OR1L6: variants seen among roughly 807,000 people sequenced by gnomAD.
OR1L6 encodes the protein olfactory receptor 1L6.
OR1L6 carries 2 observed loss-of-function variants against 3.0 expected under a neutral mutation model. The ratio of observed to expected loss-of-function variants is 0.68; its 90% CI spans 0.28 to 2.13. OR1L6 has a LOEUF of 2.13. OR1L6 is among the 30% of genes most tolerant of loss of function. The pLI is 0.14. For synonymous variants in OR1L6, 121 were observed against 148.4 expected (o/e 0.82, Z 1.34); for missense variants, 304 against 378.4 (o/e 0.80, Z 1.63).
chr9:122,744,397 C>G (rs1371755640), intron 1 of OR1L6, among the ~76,000 whole-genome samples: 1 of 152,084 alleles, frequency 6.6e-6, no homozygotes, highest in Non-Finnish European at 1.5e-5. Context: ...TTCATTTGGG[C>G]TGACAATGTG....
chr9:122,743,780 A>G (rs1303283645), intron 1 of OR1L6, among the ~76,000 whole-genome samples: 10 of 152,168 alleles, frequency 6.6e-5, no homozygotes, highest in Admixed American at 6.5e-4. Flanking sequence ...GGCTTTGTGG[A>G]ATTGGAGGCA....
chr9:122,746,056 G>A (rs1255507123), intron 1 of OR1L6, among the ~76,000 whole-genome samples: 1 of 152,020 alleles, frequency 6.6e-6, no homozygotes, highest in Non-Finnish European at 1.5e-5. Flanking sequence ...GGTGTGTGAT[G>A]TTCCCCTCCC....
chr9:122,742,345 C>A lies in OR1L6; in HGVS notation c.-42C>A, dbSNP rs1478229635. ...TGGCAGATCCCGAAGTCTTTTTAGG[C>A]CCCTGAATCTCCTTTGTCAAGCCCA... On this transcript the variant is annotated 5_prime_UTR_variant, in exon 1 of 2. Coordinates refer to ENST00000304720, the MANE Select transcript of OR1L6 (RefSeq NM_001004453.3). 2.0e-5 allele frequency: 3 copies of A among 152,180 alleles called. No individual in the cohort carries two copies. The highest frequency in any genetic ancestry group is 7.2e-5 in the African/African-American group (3 of 41,434). 9.4% of individuals were successfully genotyped at this position (152,180 alleles called of 1,614,324 possible). A position where few individuals can be genotyped will look rare whatever the true frequency, so the allele number is the denominator to read the frequency against.
At chr9:122,744,775 A>G (rs1168568724) in intron 1 of OR1L6, among the ~76,000 whole-genome samples, 1 of 152,164 alleles carries the variant, frequency 6.6e-6, no homozygotes, top group African/African-American at 2.4e-5. Context: ...GACAGCTCCT[A>G]GGCAGGGTAG....
rs149775185 is a variant in OR1L6, at chr9:122,750,242, A to G, written c.395A>G (p.His132Arg). Residue 132 changes from histidine to arginine, a missense_variant, in exon 2 of 2, where the codon CAC (histidine) becomes CGC (arginine). His to Arg is a conservative substitution (Grantham distance 29). This residue lies in a region of OR1L6 where 192 missense variants were observed against 242.7 expected (regional missense o/e 0.79). Coordinates refer to ENST00000304720, the MANE Select transcript of OR1L6 (RefSeq NM_001004453.3). ...DRLVAICNPL[H>R]YDVVMKPRHC... Reference sequence around the variant, plus strand: ...CTGGTGGCCATCTGCAACCCCTTACACTATGATGTGGTTATGAAACCACGG... The same window carrying G: ...CTGGTGGCCATCTGCAACCCCTTACGCTATGATGTGGTTATGAAACCACGG... 109 of 1,613,854 alleles carry G rather than the reference A, an allele frequency of 6.8e-5. 2 individuals are homozygous for G. The African/African-American group carries it at 1.3e-3, about 20-fold the overall frequency.
intron 1 of OR1L6, among the ~76,000 whole-genome samples, chr9:122,743,976 G>A (rs1588013681): frequency 6.6e-6 from 1 of 152,134 alleles, no homozygotes; most frequent in South Asian, 2.1e-4. Context: ...GTGTGATAGA[G>A]CAGTTTAAAA....
At position 122,742,331 on chromosome 9, in the gene OR1L6, G is replaced by A. The variant is rs1268234110; in HGVS notation, c.-56G>A. ...TGATCTTAACCCCATGGCAGATCCCGAAGTCTTTTTAGGCCCCTGAATCTC... is the reference window on the plus strand; with the variant it reads ...TGATCTTAACCCCATGGCAGATCCCAAAGTCTTTTTAGGCCCCTGAATCTC... On this transcript the variant is annotated 5_prime_UTR_variant, in exon 1 of 2. Transcript: ENST00000304720. 4.6e-5 allele frequency: 7 copies of A among 152,142 alleles called. No homozygotes were observed. Among genetic ancestry groups the A allele is most frequent in the South Asian group, 2.1e-4 (1 of 4,832 alleles). The allele number at this position is 152,142 out of a possible 1,614,324, so 9.4% of individuals were successfully genotyped here.
At position 122,750,178 on chromosome 9, in the gene OR1L6, A is replaced by G; in HGVS notation, c.331A>G (p.Thr111Ala). 6.2e-7 allele frequency: 1 copy of G among 1,613,784 alleles called. No homozygotes were observed. Among genetic ancestry groups the G allele is most frequent in the Non-Finnish European group, 8.5e-7 (1 of 1,179,756 alleles). Residue 111 changes from threonine (T) to alanine (A), a missense_variant, in exon 2 of 2, where the codon ACT (threonine) becomes GCT (alanine). Physicochemically the swap from Thr to Ala is moderately conservative, Grantham distance 58. Coordinates refer to ENST00000304720, the MANE Select transcript of OR1L6 (RefSeq NM_001004453.3). The part of the protein sequence containing the change: ...QMYFFMAFGN[T>A]DSYLLASMAI... ...GTACTTCTTTATGGCATTTGGGAACACTGACAGCTACCTGCTGGCCTCTAT... is the reference window on the plus strand; with the variant it reads ...GTACTTCTTTATGGCATTTGGGAACGCTGACAGCTACCTGCTGGCCTCTAT...
chr9:122,747,360 G>T, intron 1 of OR1L6, among the ~76,000 whole-genome samples: 1 of 151,632 alleles, frequency 6.6e-6, no homozygotes, highest in East Asian at 1.9e-4. Flanking sequence ...AATTTGATTG[G>T]GGTTAGAAAA....
chr9:122,747,956 CTT>C (rs1441158437), intron 1 of OR1L6, among the ~76,000 whole-genome samples: 1 of 151,908 alleles, frequency 6.6e-6, no homozygotes, highest in African/African-American at 2.4e-5. Context: ...GAATAAGACT[CTT>C]AATGATCAAA....
At chr9:122,746,718 C>CCTAGT (rs1828840809) in intron 1 of OR1L6, among the ~76,000 whole-genome samples, 1 of 152,192 alleles carries the variant, frequency 6.6e-6, no homozygotes, top group Non-Finnish European at 1.5e-5. Context: ...TGCTAGTATA[C>CCTAGT]ATGAGGATCT....
Position 122,747,424 on chromosome 9 carries a change from A to G in OR1L6, c.-13-2411A>G, listed in dbSNP as rs1164856124. Among the ~76,000 whole-genome samples the G allele has an allele frequency of 3.9e-5, 6 of 152,104 alleles. No homozygotes were observed. The East Asian group carries it at 1.2e-3, about 29-fold the overall frequency. ...AAAATTATTTCATCTGTTCTTAGCC[A>G]TTTATTCATCTAGGTGAATTTTAGA... is the stretch of plus-strand genomic sequence containing the variant. On this transcript the variant is annotated intron_variant, in intron 1 of 1. Coordinates refer to ENST00000304720, the MANE Select transcript of OR1L6 (RefSeq NM_001004453.3).
At position 122,749,670 on chromosome 9, in the gene OR1L6, T is replaced by A. The variant is rs1251365662; in HGVS notation, c.-13-165T>A. On this transcript the variant is annotated intron_variant, in intron 1 of 1. Transcript: ENST00000304720. ...TTGCAGTGAGCTGAGATCACGCCAC[T>A]GCACTCCAGTCTGGGCGACAGACCG... The A allele has an allele frequency of 8.3e-6, 6 of 722,818 alleles. No individual in the cohort carries two copies. In the Admixed American group the frequency reaches 1.1e-4, roughly 14 times the overall value. 44.8% of individuals were successfully genotyped at this position (722,818 alleles called of 1,614,324 possible).
chr9:122,745,376 T>C (rs572807753), intron 1 of OR1L6, among the ~76,000 whole-genome samples: 1 of 151,146 alleles, frequency 6.6e-6, no homozygotes, highest in South Asian at 2.1e-4. Context: ...ATTTAACCTT[T>C]TAAATTACGA....
intron 1 of OR1L6, among the ~76,000 whole-genome samples, chr9:122,746,528 T>G (rs946780311): frequency 6.6e-6 from 1 of 152,224 alleles, no homozygotes; most frequent in African/African-American, 2.4e-5. Context: ...TATGTTGTAT[T>G]ATGTTTAGTT....
At chr9:122,745,696 A>G (rs766380204) in intron 1 of OR1L6, among the ~76,000 whole-genome samples, 5 of 151,876 alleles carry the variant, frequency 3.3e-5, no homozygotes, top group South Asian at 2.1e-4. Context: ...ACAGGCGTAA[A>G]CCACCGCACC....
At chr9:122,748,160 G>A (rs1828854429) in intron 1 of OR1L6, among the ~76,000 whole-genome samples, 3 of 152,040 alleles carry the variant, frequency 2.0e-5, no homozygotes, top group African/African-American at 7.2e-5. Flanking sequence ...AAACAGAAAG[G>A]TTTAAACAGG....
chr9:122,742,859 G>A (rs577261903), intron 1 of OR1L6, among the ~76,000 whole-genome samples: 34 of 152,324 alleles, frequency 2.2e-4, no homozygotes, highest in African/African-American at 8.2e-4. Flanking sequence ...ATAACAGAAA[G>A]GCAAACTTCC....
At chr9:122,743,054 C>T (rs1046148325) in intron 1 of OR1L6, among the ~76,000 whole-genome samples, 3 of 152,226 alleles carry the variant, frequency 2.0e-5, no homozygotes, top group African/African-American at 7.2e-5. Flanking sequence ...GCAAAACTCT[C>T]TGAGAATCCA....
Sources: gnomAD v4.1 joint callset for allele counts (sites outside exome capture counted in the v4.1 genomes callset) on GRCh38, gnomAD v4.1.1 for gene constraint, gnomAD v4.1.1 regional missense constraint, MANE v1.5 for transcripts, NCBI Gene and HGNC (gene_info 2026-07-23, HGNC 2026-07-21) for gene names.